COL5A2: variants seen among roughly 807,000 people sequenced by gnomAD.
The protein encoded by COL5A2 is collagen alpha-2(V) chain.
Under a neutral mutation model 208.2 loss-of-function variants are expected in COL5A2, and 23 were observed. That is an observed-to-expected ratio of 0.11 (90% CI 0.08 to 0.16). The LOEUF is 0.16. COL5A2 is among the 10% of genes least tolerant of loss of function. The pLI, the probability that COL5A2 is intolerant of heterozygous loss-of-function variation, is 1.00. For missense variants in COL5A2, 1,590 were observed against 1,956.4 expected (o/e 0.81, Z 3.53); for synonymous variants, 625 against 628.5 (o/e 0.99, Z 0.08).
intron 34 of COL5A2, 116 bp downstream of exon 34, chr2:189,057,204 G>A: frequency 1.0e-6 from 1 of 964,456 alleles, no homozygotes; most frequent in East Asian, 2.9e-5. Context: ...AATGAAAAAT[G>A]AATGACTAGT....
intron 1 of COL5A2, among the ~76,000 whole-genome samples, chr2:189,142,455 C>T (rs182506994): frequency 3.5e-4 from 53 of 152,150 alleles, no homozygotes; most frequent in African/African-American, 1.2e-3. Flanking sequence ...ATGTACTATA[C>T]ATAGACTTAA....
chr2:189,046,919 C>T (rs575128687), intron 45 of COL5A2, among the ~76,000 whole-genome samples: 2 of 151,944 alleles, frequency 1.3e-5, no homozygotes, highest in East Asian at 1.9e-4. Context: ...GTCAAGAGAT[C>T]GAGACCATCC....
At position 189,052,974 on chromosome 2, in the gene COL5A2, T is replaced by C. The variant is rs757721541; in HGVS notation, c.2598A>G (p.Pro866=). The change falls in exon 39 of 54, where the codon CCA becomes CCG. Residue 866 remains proline (P), a synonymous_variant. Transcript: ENST00000374866. ...QPGVKGEPGE[P]GQKGDAGSPG... ...GAGAACCAGCATCTCCCTTCTGTCCTGGCTCTCCAGGTTCACCTTTTACTC... is the reference window on the plus strand; with the variant it reads ...GAGAACCAGCATCTCCCTTCTGTCCCGGCTCTCCAGGTTCACCTTTTACTC... The C allele has an allele frequency of 6.2e-7, 1 of 1,614,212 alleles. No homozygotes were observed. The highest frequency in any genetic ancestry group is 8.5e-7 in the Non-Finnish European group (1 of 1,180,020).
At chr2:189,161,208 G>T (rs1287164069) in intron 1 of COL5A2, among the ~76,000 whole-genome samples, 1 of 151,080 alleles carries the variant, frequency 6.6e-6, no homozygotes, top group Admixed American at 6.6e-5. Context: ...TTATGTTTTG[G>T]ATACATCTGC....
intron 1 of COL5A2, among the ~76,000 whole-genome samples, chr2:189,218,297 A>G (rs896274554): frequency 6.6e-6 from 1 of 152,224 alleles, no homozygotes; most frequent in African/African-American, 2.4e-5. Context: ...ATACTGGACT[A>G]AAGTAGACAC....
chr2:189,336,003 T>C, the COL5A2 span, among the ~76,000 whole-genome samples: 12 of 152,252 alleles, frequency 7.9e-5, no homozygotes, highest in African/African-American at 2.9e-4. Context: ...AACATTTATC[T>C]GACAAAGATC....
At chr2:189,067,977 T>G in intron 21 of COL5A2, 38 bp downstream of exon 21, 1 of 1,517,946 alleles carries the variant, frequency 6.6e-7, no homozygotes, top group Non-Finnish European at 9.2e-7. Flanking sequence ...CGTAGTTAGA[T>G]TACACTAAAG....
chr2:189,081,511 A>C (rs1212272482), intron 12 of COL5A2, among the ~76,000 whole-genome samples: 1 of 152,158 alleles, frequency 6.6e-6, no homozygotes, highest in Admixed American at 6.5e-5. Flanking sequence ...TAGCAAACCA[A>C]TGTCTTTATT....
At chr2:189,404,279 G>A in the COL5A2 span, among the ~76,000 whole-genome samples, 2 of 152,156 alleles carry the variant, frequency 1.3e-5, no homozygotes, top group Admixed American at 6.5e-5. Context: ...ACCAATGTGG[G>A]TAGCCATCAT....
the COL5A2 span, among the ~76,000 whole-genome samples, chr2:189,357,314 T>C: frequency 6.6e-6 from 1 of 152,116 alleles, no homozygotes; most frequent in East Asian, 1.9e-4. Context: ...GACGTTTAAG[T>C]CTGCTGAAGC....
At chr2:189,386,731 C>A in the COL5A2 span, among the ~76,000 whole-genome samples, 1 of 152,178 alleles carries the variant, frequency 6.6e-6, no homozygotes. Context: ...AAATGCTCAT[C>A]ATCACGAACT....
chr2:189,440,694 G>T, the COL5A2 span, among the ~76,000 whole-genome samples: 1 of 152,192 alleles, frequency 6.6e-6, no homozygotes, highest in Non-Finnish European at 1.5e-5. Flanking sequence ...AGGAAAACTG[G>T]AGATAAACTG....
In COL5A2 at chr2:189,090,818, C is replaced by A. The variant is rs574176089; in HGVS notation, c.567+1492G>T. ...GAATATTTCAAGCCCACTATTGAGA[C>A]CTATTGCTCAGAAACAAAGGATTCC... On this transcript the variant is annotated intron_variant, in intron 7 of 53. Coordinates refer to ENST00000374866, the MANE Select transcript of COL5A2 (RefSeq NM_000393.5). Among the ~76,000 whole-genome samples the A allele has an allele frequency of 6.8e-4, 103 of 152,268 alleles. 1 individual carries two copies. The highest frequency in any genetic ancestry group is 2.3e-3 in the African/African-American group (96 of 41,564).
chr2:189,432,753 T>A, the COL5A2 span, among the ~76,000 whole-genome samples: 1 of 152,136 alleles, frequency 6.6e-6, no homozygotes, highest in South Asian at 2.1e-4. Context: ...CACCCCACTC[T>A]CAATATTAGA....
Position 189,068,868 on chromosome 2 carries a change from G to A in COL5A2, c.1175C>T (p.Thr392Ile), listed in dbSNP as rs1553515880. 2.5e-6 allele frequency: 4 copies of A among 1,612,472 alleles called. No homozygotes were observed. Among genetic ancestry groups the A allele is most frequent in the Non-Finnish European group, 3.4e-6 (4 of 1,179,120 alleles). ...NPGMKGEAGP[T>I]GARGPEGPQG... ...AGGACCTTCAGGGCCTCGCGCCCCT[G>A]TAGGACCTGCTTCTCCCTAAAAGGG... The change falls in exon 19 of 54, where the codon ACA becomes ATA. Residue 392 changes from threonine to isoleucine, a missense_variant. Coordinates refer to ENST00000374866, the MANE Select transcript of COL5A2 (RefSeq NM_000393.5).
chr2:189,238,906 T>C, the COL5A2 span, among the ~76,000 whole-genome samples: 3 of 152,156 alleles, frequency 2.0e-5, no homozygotes, highest in Non-Finnish European at 4.4e-5. Flanking sequence ...AACCAAGTTA[T>C]AATCAGAGGT....
At chr2:189,329,455 A>T in the COL5A2 span, among the ~76,000 whole-genome samples, 6 of 152,218 alleles carry the variant, frequency 3.9e-5, no homozygotes, top group Non-Finnish European at 8.8e-5. Context: ...TTGAAATTTA[A>T]TAAGAAAGTA....
chr2:189,068,071 G>T lies in COL5A2; in HGVS notation c.1345C>A (p.Pro449Thr), dbSNP rs891413088. ...CTACCCTGAGGTCCTGGAGATCCAGGAGGCCCTGCTGAGCCAGGAGGACCA... is the reference window on the plus strand; with the variant it reads ...CTACCCTGAGGTCCTGGAGATCCAGTAGGCCCTGCTGAGCCAGGAGGACCA... Reference protein sequence around the residue: ...TSGPPGSAGPPGSPGPQGSTG... With the variant: ...TSGPPGSAGPTGSPGPQGSTG... Residue 449 changes from proline (P) to threonine (T), a missense_variant, in exon 21 of 54, where the codon CCT (proline) becomes ACT (threonine). By Grantham distance (38) the Pro-to-Thr change is conservative (BLOSUM62 -1). Coordinates refer to ENST00000374866, the MANE Select transcript of COL5A2 (RefSeq NM_000393.5). 1 of 1,614,044 alleles carries T rather than the reference G, an allele frequency of 6.2e-7. No individual in the cohort carries two copies. The highest frequency in any genetic ancestry group is 1.3e-5 in the African/African-American group (1 of 75,014).
the COL5A2 span, chr2:189,311,402 A>T: frequency 3.7e-6 from 4 of 1,083,164 alleles, no homozygotes; most frequent in South Asian, 5.1e-5. Context: ...ACCATCTTCC[A>T]GCAGGCGGCG....
Sources: gnomAD v4.1 joint callset for allele counts (sites outside exome capture counted in the v4.1 genomes callset) on GRCh38, gnomAD v4.1.1 for gene constraint, MANE v1.5 for transcripts, NCBI Gene and HGNC (gene_info 2026-07-23, HGNC 2026-07-21) for gene names.